The following NRXN1 variants were observed in gnomAD, a reference collection of about 807,000 sequenced individuals.
The protein encoded by NRXN1 is neurexin 1.
Under a neutral mutation model 150.9 loss-of-function variants are expected in NRXN1, and 39 were observed. The observed-to-expected ratio is 0.26, with a 90% CI of 0.20 to 0.34. NRXN1 has a LOEUF of 0.34. NRXN1 is among the 10% of genes least tolerant of loss of function. The pLI is 1.00. For synonymous variants in NRXN1, 924 were observed against 757.0 expected (o/e 1.22, Z -3.62); for missense variants, 1,815 against 1,949.9 (o/e 0.93, Z 1.30).
At chr2:50,486,312 G>A (rs948930190) in intron 15 of NRXN1, among the ~76,000 whole-genome samples, 3 of 152,102 alleles carry the variant, frequency 2.0e-5, no homozygotes, top group African/African-American at 7.2e-5. Context: ...TCTTTGAACA[G>A]AGAATACAGA....
At chr2:50,310,582 T>C (rs2075091000) in intron 17 of NRXN1, among the ~76,000 whole-genome samples, 1 of 152,286 alleles carries the variant, frequency 6.6e-6, no homozygotes, top group South Asian at 2.1e-4. Flanking sequence ...TATTAAAGAA[T>C]AATAAATCAA....
intron 2 of NRXN1, among the ~76,000 whole-genome samples, chr2:50,966,692 G>A (rs1189195170): frequency 6.6e-6 from 1 of 151,816 alleles, no homozygotes; most frequent in Non-Finnish European, 1.5e-5. Flanking sequence ...TCAATTAACA[G>A]AAAATGTGAG....
At chr2:50,850,619 T>C (rs1674378747) in intron 5 of NRXN1, among the ~76,000 whole-genome samples, 1 of 152,190 alleles carries the variant, frequency 6.6e-6, no homozygotes, top group South Asian at 2.1e-4. Flanking sequence ...TAAAGAATAT[T>C]TGATTTTAAA....
At chr2:50,527,019 C>T (rs773859993) in intron 12 of NRXN1, among the ~76,000 whole-genome samples, 4 of 152,140 alleles carry the variant, frequency 2.6e-5, no homozygotes, top group African/African-American at 9.7e-5. Flanking sequence ...CCACAGAATA[C>T]AGAATCACAT....
intron 5 of NRXN1, chr2:50,919,154 G>A (rs1685634208): frequency 6.6e-6 from 1 of 151,652 alleles, no homozygotes; most frequent in Non-Finnish European, 1.5e-5. Context: ...CCACAGCAGT[G>A]GTCTCTAACA....
chr2:50,241,213 T>C lies in NRXN1; in HGVS notation c.3365-4243A>G, dbSNP rs953022819. Among the ~76,000 whole-genome samples the C allele has an allele frequency of 7.8e-5, 11 of 140,644 alleles. No homozygotes were observed. In the East Asian group the frequency reaches 2.2e-3, roughly 28 times the overall value. The allele number at this position is 140,644 out of a possible 152,430, so 92.3% of individuals were successfully genotyped here. A position where few individuals can be genotyped will look rare whatever the true frequency, so the allele number is the denominator to read the frequency against. The stretch of plus-strand genomic sequence containing the variant: ...ATCTAGCATAGTAAGATTTATAGCA[T>C]AATGCAAAAAAAAAAATCACTTGAC... On this transcript the variant is annotated intron_variant, in intron 17 of 22. Coordinates refer to ENST00000401669, the MANE Select transcript of NRXN1 (RefSeq NM_001330078.2).
intron 21 of NRXN1, among the ~76,000 whole-genome samples, chr2:49,995,146 C>G (rs1682718195): frequency 6.6e-6 from 1 of 152,176 alleles, no homozygotes. Flanking sequence ...GTGGCAACAT[C>G]TGTCAAATCT....
At chr2:49,965,298 C>T (rs1185897126) in intron 21 of NRXN1, among the ~76,000 whole-genome samples, 1 of 151,876 alleles carries the variant, frequency 6.6e-6, no homozygotes, top group African/African-American at 2.4e-5. Context: ...ACAGAGTGTG[C>T]CTCCGTCTCC....
intron 5 of NRXN1, among the ~76,000 whole-genome samples, chr2:50,812,746 G>C (rs1427893776): frequency 6.7e-6 from 1 of 148,246 alleles, no homozygotes; most frequent in Non-Finnish European, 1.5e-5. Context: ...GTGTGTGAGC[G>C]CATGTGTGTG....
At chr2:50,096,079 C>T (rs1700184427) in intron 18 of NRXN1, among the ~76,000 whole-genome samples, 2 of 151,816 alleles carry the variant, frequency 1.3e-5, no homozygotes, top group Non-Finnish European at 2.9e-5. Flanking sequence ...TCTTTGACAT[C>T]TCATGGATTT....
chr2:50,352,665 G>T (rs1198208343), intron 17 of NRXN1, among the ~76,000 whole-genome samples: 2 of 151,344 alleles, frequency 1.3e-5, no homozygotes, highest in Non-Finnish European at 2.9e-5. Flanking sequence ...GTTCTGGAGA[G>T]CTGTAAAGCT....
chr2:50,765,909 A>G (rs1202543208), intron 5 of NRXN1, among the ~76,000 whole-genome samples: 1 of 152,038 alleles, frequency 6.6e-6, no homozygotes, highest in East Asian at 1.9e-4. Context: ...ACTCCTTGCT[A>G]TTGAACACAT....
intron 2 of NRXN1, among the ~76,000 whole-genome samples, chr2:50,935,539 C>G (rs1688406560): frequency 6.6e-6 from 1 of 152,068 alleles, no homozygotes; most frequent in Non-Finnish European, 1.5e-5. Context: ...GTTCCAACAC[C>G]AGTCTGGTGA....
chr2:50,460,860 T>C (rs571529928), intron 17 of NRXN1, among the ~76,000 whole-genome samples: 2 of 152,178 alleles, frequency 1.3e-5, no homozygotes, highest in South Asian at 4.1e-4. Context: ...TCAAGGTTAA[T>C]AAGATTCATC....
chr2:50,358,056 T>G (rs1479459409), intron 17 of NRXN1, among the ~76,000 whole-genome samples: 4 of 152,126 alleles, frequency 2.6e-5, no homozygotes, highest in Non-Finnish European at 4.4e-5. Flanking sequence ...GCCCACGCAC[T>G]AGGCTTTTCC....
At chr2:50,162,452 C>T (rs1260167284) in intron 18 of NRXN1, among the ~76,000 whole-genome samples, 1 of 152,088 alleles carries the variant, frequency 6.6e-6, no homozygotes, top group Non-Finnish European at 1.5e-5. Context: ...GATGTTTACA[C>T]AGCAACTCCT....
In NRXN1 at chr2:50,230,684, C is replaced by T. The variant is rs137987553; in HGVS notation, c.3546+6105G>A. ...AATAGAATTTCAGATGAGGAAATAACTCTAGAATTCTAGAAACCAAAAACA... is the reference window on the plus strand; with the variant it reads ...AATAGAATTTCAGATGAGGAAATAATTCTAGAATTCTAGAAACCAAAAACA... On this transcript the variant is annotated intron_variant, in intron 18 of 22. Transcript: ENST00000401669. Among the ~76,000 whole-genome samples the T allele has an allele frequency of 9.8e-4, 149 of 152,004 alleles. 2 individuals are homozygous for T. Among genetic ancestry groups the T allele is most frequent in the East Asian group, 1.2e-3 (6 of 5,144 alleles).
intron 5 of NRXN1, chr2:50,917,128 C>T (rs1282709231): frequency 1.3e-5 from 2 of 151,618 alleles, no homozygotes; most frequent in Admixed American, 6.6e-5. Flanking sequence ...GTAGAGGTAA[C>T]ACAGTAGAAA....
chr2:50,040,485 T>A (rs1442207872), intron 21 of NRXN1, among the ~76,000 whole-genome samples: 1 of 151,778 alleles, frequency 6.6e-6, no homozygotes, highest in Non-Finnish European at 1.5e-5. Context: ...AAGTATTGTA[T>A]AAAAGGAATA....
Sources: gnomAD v4.1 joint callset for allele counts (sites outside exome capture counted in the v4.1 genomes callset) on GRCh38, gnomAD v4.1.1 for gene constraint, MANE v1.5 for transcripts, NCBI Gene and HGNC (gene_info 2026-07-23, HGNC 2026-07-21) for gene names.